EPS8L3: variants seen among roughly 807,000 people sequenced by gnomAD.
EPS8L3 encodes epidermal growth factor receptor kinase substrate 8-like protein 3.
A neutral mutation model predicts 88.5 loss-of-function variants in EPS8L3; 80 were observed. The observed-to-expected ratio is 0.90, with a 90% CI of 0.75 to 1.09. The LOEUF is 1.09. Ranked by LOEUF, EPS8L3 falls within the 50% of genes least tolerant of loss-of-function variation. The pLI is 0.00. For missense variants in EPS8L3, 721 were observed against 735.2 expected (o/e 0.98, Z 0.22); for synonymous variants, 286 against 291.0 (o/e 0.98, Z 0.18).
chr1:109,761,703 C>A lies in EPS8L3; in HGVS notation c.31+16G>T, dbSNP rs370742281. The A allele has an allele frequency of 6.2e-6, 10 of 1,613,688 alleles. No individual in the cohort carries two copies. The highest frequency in any genetic ancestry group is 7.6e-6 in the Non-Finnish European group (9 of 1,179,940). ...TCAGTGGGAGGGCACGGGAGAGGGG[C>A]CTGCCAGGAGCTTACAGTAAATGGC... On this transcript the variant is annotated intron_variant, in intron 2 of 18. Coordinates refer to ENST00000361965, the MANE Select transcript of EPS8L3 (RefSeq NM_133181.4).
chr1:109,751,793 T>C lies in EPS8L3; in HGVS notation c.1435-11A>G. ...GCTGTGGTCCAGAACCTGCCAAGAG[T>C]CACCACCTCAGTCCCCTGAGCCTCT... On this transcript the variant is annotated splice_polypyrimidine_tract_variant and intron_variant, in intron 15 of 18. Transcript: ENST00000361965. 1 of 1,612,682 alleles carries C rather than the reference T, an allele frequency of 6.2e-7. No homozygotes were observed.
chr1:109,759,598 TG>T lies in EPS8L3; in HGVS notation c.255+79del, dbSNP rs1650692343. The T allele has an allele frequency of 6.5e-7, 1 of 1,541,780 alleles. No individual in the cohort carries two copies. Among genetic ancestry groups the T allele is most frequent in the Non-Finnish European group, 8.8e-7 (1 of 1,142,384 alleles). On this transcript the variant is annotated intron_variant, in intron 4 of 18. Coordinates refer to ENST00000361965, the MANE Select transcript of EPS8L3 (RefSeq NM_133181.4). This position sits in a 1 kb window ranked among gnomAD's most constrained non-coding sequence, Gnocchi z 4.2. The stretch of plus-strand genomic sequence containing the variant: ...GGGAGAGTGGCTGCCCTTTGGGGCA[TG>T]GAGGGTGGAGTTCAAGAGCTAGTGC...
At chr1:109,752,759 G>GCAGCCC (rs1557989241) in intron 13 of EPS8L3, 39 bp from the exon 14 acceptor site, 3 of 1,540,384 alleles carry the variant, frequency 1.9e-6, no homozygotes, top group South Asian at 1.2e-5. Context: ...AGAGCAGGAG[G>GCAGCCC]CAGCCAGCAT....
chr1:109,755,517 G>A (rs1203025631), intron 12 of EPS8L3, among the ~76,000 whole-genome samples: 1 of 152,168 alleles, frequency 6.6e-6, no homozygotes, highest in African/African-American at 2.4e-5. Flanking sequence ...GAAAAGAACT[G>A]GTCATGGCGG....
intron 3 of EPS8L3, among the ~76,000 whole-genome samples, chr1:109,760,821 C>A (rs1250610306): frequency 6.6e-6 from 1 of 152,088 alleles, no homozygotes; most frequent in Non-Finnish European, 1.5e-5. Context: ...GGCTTCTACC[C>A]CAGAGCTCCA....
At position 109,751,743 on chromosome 1, in the gene EPS8L3, C is replaced by T; in HGVS notation, c.1474G>A (p.Glu492Lys). 1.2e-6 allele frequency: 2 copies of T among 1,613,784 alleles called. No individual in the cohort carries two copies. The highest frequency in any genetic ancestry group is 2.2e-5 in the South Asian group (2 of 91,062). The change falls in exon 16 of 19, where the codon GAG becomes AAG. Residue 492 changes from glutamate to lysine, a missense_variant. Coordinates refer to ENST00000361965, the MANE Select transcript of EPS8L3 (RefSeq NM_133181.4). ...GGAATGTAGCCGCTCCGTCCCGCCT[C>T]ATTCTTCACCAGCCACCACCGCTTG... ...HSKRWWLVKN[E>K]AGRSGYIPSN...
intron 1 of EPS8L3, among the ~76,000 whole-genome samples, chr1:109,762,412 A>G (rs1482055226): frequency 1.3e-5 from 2 of 151,168 alleles, no homozygotes; most frequent in East Asian, 1.9e-4. Context: ...CCTGACCCCA[A>G]CCCTTTAAAT....
rs959290452 is a variant in EPS8L3 at position 109,754,574 on chromosome 1, T to C, written c.1119-1376A>G. ...TACATCATTTTATGAATACTGAAGT[T>C]GTTTTGCATCTTCGTGGGTATTTAA... On this transcript the variant is annotated intron_variant, in intron 12 of 18. Coordinates refer to ENST00000361965, the MANE Select transcript of EPS8L3 (RefSeq NM_133181.4). 3.9e-5 allele frequency among the ~76,000 whole-genome samples: 6 copies of C among 152,388 alleles called. No homozygotes were observed. The East Asian group carries it at 1.2e-3, about 29-fold the overall frequency.
In EPS8L3 at chr1:109,759,038, G is replaced by T; in HGVS notation, c.461+24C>A. ...GAGGCTGAGCTGGGAGGCCCCATAGGTGGGCTGGGCAGAGGCTGCCTACCT... is the reference window on the plus strand; with the variant it reads ...GAGGCTGAGCTGGGAGGCCCCATAGTTGGGCTGGGCAGAGGCTGCCTACCT... On this transcript the variant is annotated intron_variant, in intron 6 of 18. Transcript: ENST00000361965. This position sits in a 1 kb window ranked among gnomAD's most constrained non-coding sequence, Gnocchi z 4.2. The T allele has an allele frequency of 1.9e-6, 3 of 1,583,878 alleles. No homozygotes were observed. Among genetic ancestry groups the T allele is most frequent in the Non-Finnish European group, 2.6e-6 (3 of 1,165,300 alleles).
At chr1:109,763,535 C>T (rs1651224870) in intron 1 of EPS8L3, among the ~76,000 whole-genome samples, 1 of 152,130 alleles carries the variant, frequency 6.6e-6, no homozygotes, top group African/African-American at 2.4e-5. Flanking sequence ...CAGCCCATTT[C>T]CCCCCTTTAA....
chr1:109,750,237 T>C lies in EPS8L3; in HGVS notation c.*154A>G. 1.1e-6 allele frequency: 1 copy of C among 892,254 alleles called. No individual in the cohort carries two copies. Among genetic ancestry groups the C allele is most frequent in the Non-Finnish European group, 1.8e-6 (1 of 565,970 alleles). The allele number at this position is 892,254 out of a possible 1,614,324, so 55.3% of individuals were successfully genotyped here. A position where few individuals can be genotyped will look rare whatever the true frequency, so the allele number is the denominator to read the frequency against. On this transcript the variant is annotated 3_prime_UTR_variant, in exon 19 of 19. Transcript: ENST00000361965. The stretch of plus-strand genomic sequence containing the variant: ...AGAAGGGACACTGTTTGCTTCAGCC[T>C]CTGGGCCTGTCCATTGTTTTTGCTG...
At chr1:109,753,719 C>A (rs1219911615) in intron 12 of EPS8L3, among the ~76,000 whole-genome samples, 2 of 152,188 alleles carry the variant, frequency 1.3e-5, no homozygotes, top group Non-Finnish European at 2.9e-5. Flanking sequence ...TCCCCCTCGC[C>A]CATTACACAG....
rs1649663428 is a variant in EPS8L3 at position 109,750,359 on chromosome 1, G to A, written c.*32C>T. The A allele has an allele frequency of 1.2e-6, 2 of 1,613,248 alleles. No homozygotes were observed. Among genetic ancestry groups the A allele is most frequent in the African/African-American group, 2.7e-5 (2 of 75,012 alleles). ...CAGATCTGCCATCTTGCATCAGCGG[G>A]GCCTGGTTCTTGGAGGTGTCTAAGC... is the stretch of plus-strand genomic sequence containing the variant. On this transcript the variant is annotated 3_prime_UTR_variant, in exon 19 of 19. Coordinates refer to ENST00000361965, the MANE Select transcript of EPS8L3 (RefSeq NM_133181.4).
chr1:109,752,326 G>T, intron 14 of EPS8L3, 133 bp from the exon 15 acceptor site: 1 of 892,322 alleles, frequency 1.1e-6, no homozygotes, highest in Non-Finnish European at 1.7e-6. Context: ...AGAGTTTGCT[G>T]GCAGGTCAGT....
intron 3 of EPS8L3, among the ~76,000 whole-genome samples, chr1:109,760,317 C>T (rs138194153): frequency 6.6e-6 from 1 of 152,178 alleles, no homozygotes; most frequent in Non-Finnish European, 1.5e-5. Flanking sequence ...AGATATCCAT[C>T]GTGATCTCAG....
In EPS8L3 at chr1:109,751,719, G is replaced by C; in HGVS notation, c.1498C>G (p.Pro500Ala). ...TGTAGGGGCTCCAGGATGTTGCTTG[G>C]AATGTAGCCGCTCCGTCCCGCCTCA... ...KNEAGRSGYIPSNILEPLQPG... is the reference protein window; with the variant it reads ...KNEAGRSGYIASNILEPLQPG... Residue 500 changes from proline (P) to alanine (A), a missense_variant, in exon 16 of 19, where the codon CCA becomes GCA. Pro to Ala is a conservative substitution (Grantham distance 27). Transcript: ENST00000361965. 6.2e-7 allele frequency: 1 copy of C among 1,613,856 alleles called. No individual in the cohort carries two copies. The highest frequency in any genetic ancestry group is 8.5e-7 in the Non-Finnish European group (1 of 1,179,986).
intron 12 of EPS8L3, among the ~76,000 whole-genome samples, chr1:109,754,374 C>A (rs943772540): frequency 6.6e-6 from 1 of 152,178 alleles, no homozygotes; most frequent in Non-Finnish European, 1.5e-5. Context: ...TGCCAAAAAT[C>A]AAGTTATCTA....
intron 3 of EPS8L3, among the ~76,000 whole-genome samples, chr1:109,760,230 T>TG: frequency 6.6e-6 from 1 of 152,186 alleles, no homozygotes; most frequent in Non-Finnish European, 1.5e-5. Flanking sequence ...TTGTTCCTTT[T>TG]GGGAACTCAG....
chr1:109,760,208 C>A (rs894077527), intron 3 of EPS8L3, among the ~76,000 whole-genome samples: 4 of 152,140 alleles, frequency 2.6e-5, no homozygotes, highest in Admixed American at 1.3e-4. Context: ...CAGATTCTGT[C>A]CCTGGCTTCC....
Sources: gnomAD v4.1 joint callset for allele counts (sites outside exome capture counted in the v4.1 genomes callset) on GRCh38, gnomAD v4.1.1 for gene constraint, Gnocchi (gnomAD v3.1) non-coding constraint, MANE v1.5 for transcripts, NCBI Gene and HGNC (gene_info 2026-07-23, HGNC 2026-07-21) for gene names.